Variants in NLGN1 observed in about 807,000 individuals in gnomAD.
NLGN1 encodes neuroligin-1.
Under a neutral mutation model 65.5 loss-of-function variants are expected in NLGN1, and 12 were observed. The ratio of observed to expected loss-of-function variants is 0.18; its 90% CI spans 0.12 to 0.30. The LOEUF (loss-of-function observed/expected upper bound fraction) is 0.30. Among genes scored for constraint, NLGN1 ranks in the 10% least tolerant of loss-of-function variants. NLGN1 has a pLI of 1.00. For missense variants in NLGN1, 750 were observed against 1,007.1 expected (o/e 0.74, Z 3.46); for synonymous variants, 350 against 359.5 (o/e 0.97, Z 0.30).
chr3:173,819,347 T>G (rs1315848697), intron 4 of NLGN1, among the ~76,000 whole-genome samples: 4 of 152,138 alleles, frequency 2.6e-5, no homozygotes, highest in Non-Finnish European at 5.9e-5. Flanking sequence ...TTTCTTTAGC[T>G]TTTCCTCTGC....
At position 174,279,241 on chromosome 3, in the gene NLGN1, G is replaced by A; in HGVS notation, c.1240G>A (p.Ala414Thr). 1 of 1,613,288 alleles carries A rather than the reference G, an allele frequency of 6.2e-7. No homozygotes were observed. The highest frequency in any genetic ancestry group is 8.5e-7 in the Non-Finnish European group (1 of 1,179,542). Residue 414 changes from alanine to threonine, a missense_variant, in exon 6 of 7, where the codon GCT (alanine) becomes ACT (threonine). Physicochemically the swap from Ala to Thr is moderately conservative, Grantham distance 58 (BLOSUM62 0). Coordinates refer to ENST00000457714, the Ensembl canonical transcript of NLGN1. This position sits in a 1 kb window ranked among gnomAD's most constrained non-coding sequence, Gnocchi z 4.7. The stretch of plus-strand genomic sequence containing the variant: ...TATATCAGCTAGTGATTTTGACTTT[G>A]CTGTTTCAAATTTTGTTGATAATTT...
intron 2 of NLGN1, among the ~76,000 whole-genome samples, chr3:173,586,865 T>C (rs1747542334): frequency 1.3e-5 from 2 of 152,324 alleles, no homozygotes; most frequent in South Asian, 4.1e-4. Context: ...TGGCACAGTC[T>C]AGCCACTGAT....
At chr3:174,099,571 G>C (rs968177691) in intron 4 of NLGN1, among the ~76,000 whole-genome samples, 1 of 152,106 alleles carries the variant, frequency 6.6e-6, no homozygotes, top group Non-Finnish European at 1.5e-5. Context: ...TTAAAGGTGA[G>C]AATATAATTC....
intron 4 of NLGN1, among the ~76,000 whole-genome samples, chr3:173,972,124 T>G (rs558176061): frequency 2.0e-5 from 3 of 152,122 alleles, no homozygotes; most frequent in Non-Finnish European, 4.4e-5. Context: ...AAAAGAACAT[T>G]AACAAAGTAA....
rs187174722 is a variant in NLGN1, at chr3:173,524,944, T to A, written c.-320-79335T>A. On this transcript the variant is annotated intron_variant, in intron 2 of 6. Transcript: ENST00000457714. ...CCCCCAATCATGATGAATTATCTTT[T>A]TGGTGTACTGTTGGATTCAGTTTGC... Among the ~76,000 whole-genome samples the A allele has an allele frequency of 2.0e-3, 301 of 152,316 alleles. 3 individuals carry two copies. Among genetic ancestry groups the A allele is most frequent in the Middle Eastern group, 3.4e-3 (1 of 294 alleles).
Position 173,905,449 on chromosome 3 carries a change from T to A in NLGN1, c.646+97617T>A, listed in dbSNP as rs1024415492. Among the ~76,000 whole-genome samples, 8 of 152,324 alleles carry A rather than the reference T, an allele frequency of 5.3e-5. No individual in the cohort carries two copies. The East Asian group carries it at 1.5e-3, about 29-fold the overall frequency. The stretch of plus-strand genomic sequence containing the variant: ...TTCACTGAGAAAGAGCTCTGGTCCA[T>A]CATGTATTCCACAGACAAGGGAAGG... On this transcript the variant is annotated intron_variant, in intron 4 of 6. Transcript: ENST00000457714.
chr3:173,665,454 T>C (rs1444012926), intron 3 of NLGN1, among the ~76,000 whole-genome samples: 1 of 152,142 alleles, frequency 6.6e-6, no homozygotes, highest in Non-Finnish European at 1.5e-5. Context: ...TATTAGCAGC[T>C]TGAGAATGCA....
chr3:173,893,075 T>C (rs1735655483), intron 4 of NLGN1, among the ~76,000 whole-genome samples: 2 of 152,154 alleles, frequency 1.3e-5, no homozygotes, highest in South Asian at 2.1e-4. Context: ...ATCCACACTT[T>C]TGTGAGAAAT....
chr3:174,043,409 C>G (rs950881268), intron 4 of NLGN1, among the ~76,000 whole-genome samples: 1 of 152,148 alleles, frequency 6.6e-6, no homozygotes, highest in Non-Finnish European at 1.5e-5. Context: ...CCCCGATGAG[C>G]CTGCAACATC....
chr3:173,979,383 A>C (rs1232962296), intron 4 of NLGN1, among the ~76,000 whole-genome samples: 1 of 152,180 alleles, frequency 6.6e-6, no homozygotes, highest in Non-Finnish European at 1.5e-5. Flanking sequence ...ATGAAGTATT[A>C]ATAAGTGGGA....
At chr3:174,018,130 T>C (rs1726991056) in intron 4 of NLGN1, among the ~76,000 whole-genome samples, 1 of 152,162 alleles carries the variant, frequency 6.6e-6, no homozygotes, top group Non-Finnish European at 1.5e-5. Context: ...ATTTCTCCTA[T>C]TTGCTTTTGA....
At chr3:174,128,305 T>G (rs2152664845) in intron 4 of NLGN1, among the ~76,000 whole-genome samples, 1 of 152,296 alleles carries the variant, frequency 6.6e-6, no homozygotes, top group African/African-American at 2.4e-5. Flanking sequence ...TCTAATAACT[T>G]TGTAAAGGTG....
chr3:173,884,306 C>A (rs1366722465), intron 4 of NLGN1, among the ~76,000 whole-genome samples: 1 of 152,110 alleles, frequency 6.6e-6, no homozygotes, highest in Non-Finnish European at 1.5e-5. Flanking sequence ...ATTTGGTTTC[C>A]TAGCACCTAA....
intron 3 of NLGN1, among the ~76,000 whole-genome samples, chr3:173,675,887 T>TCTCTCTCTCA (rs756157881): frequency 2.8e-3 from 386 of 138,628 alleles, no homozygotes; most frequent in African/African-American, 8.6e-3. Flanking sequence ...TCTCTCTCTC[T>TCTCTCTCTCA]CACACACACA....
chr3:173,832,742 A>G lies in NLGN1; in HGVS notation c.646+24910A>G, dbSNP rs528839777. Among the ~76,000 whole-genome samples, 4 of 152,358 alleles carry G rather than the reference A, an allele frequency of 2.6e-5. No individual in the cohort carries two copies. In the East Asian group the frequency reaches 5.8e-4, roughly 22 times the overall value. On this transcript the variant is annotated intron_variant, in intron 4 of 6. Coordinates refer to ENST00000457714, the Ensembl canonical transcript of NLGN1. ...TTTTTATTTTTAAAGTAATACATGT[A>G]CATGATTAAATAAATAAATATATAA...
chr3:173,410,797 T>TA (rs1262272716), intron 1 of NLGN1, among the ~76,000 whole-genome samples: 1 of 152,214 alleles, frequency 6.6e-6, no homozygotes, highest in Non-Finnish European at 1.5e-5. Context: ...TAATCACACA[T>TA]AAAAAAATTA....
chr3:173,467,920 T>C (rs1724647753), intron 2 of NLGN1, among the ~76,000 whole-genome samples: 3 of 152,156 alleles, frequency 2.0e-5, no homozygotes, highest in African/African-American at 7.2e-5. Context: ...AAGGCATAGT[T>C]GTTAATTTGA....
At chr3:174,272,334 C>CTAGA (rs1268300993) in intron 4 of NLGN1, among the ~76,000 whole-genome samples, 1 of 151,674 alleles carries the variant, frequency 6.6e-6, no homozygotes, top group African/African-American at 2.4e-5. Flanking sequence ...GACTACTTCA[C>CTAGA]TAGATAGCAA....
chr3:173,531,865 A>G (rs1263083452), intron 2 of NLGN1, among the ~76,000 whole-genome samples: 1 of 152,050 alleles, frequency 6.6e-6, no homozygotes, highest in African/African-American at 2.4e-5. Context: ...ATCTCCTTGT[A>G]AAATCCTGCA....
Sources: gnomAD v4.1 joint callset for allele counts (sites outside exome capture counted in the v4.1 genomes callset) on GRCh38, gnomAD v4.1.1 for gene constraint, Gnocchi (gnomAD v3.1) non-coding constraint, MANE v1.5 for transcripts, NCBI Gene and HGNC (gene_info 2026-07-23, HGNC 2026-07-21) for gene names.